The following CASK variants were observed in gnomAD, a reference collection of about 807,000 sequenced individuals.
CASK encodes peripheral plasma membrane protein CASK.
Under a neutral mutation model 82.9 loss-of-function variants are expected in CASK, and 4 were observed. That is an observed-to-expected ratio of 0.05 (90% CI 0.02 to 0.11). The LOEUF (loss-of-function observed/expected upper bound fraction) is 0.11, where lower values mean the gene tolerates loss of function less well. CASK is among the 10% of genes least tolerant of loss of function. The pLI is 1.00. For synonymous variants in CASK, 259 were observed against 253.5 expected (o/e 1.02, Z -0.20); for missense variants, 358 against 720.9 (o/e 0.50, Z 5.76).
chrX:41,871,090 T>C (rs2071699881), intron 1 of CASK, among the ~76,000 whole-genome samples: 1 of 111,609 alleles, frequency 9.0e-6, no homozygotes, highest in Admixed American at 9.5e-5. Flanking sequence ...TTGGCAGCTG[T>C]AGGACTGAAG....
chrX:41,741,999 G>A (rs752642802), intron 4 of CASK, among the ~76,000 whole-genome samples: 1 of 111,878 alleles, frequency 8.9e-6, no homozygotes, highest in South Asian at 3.7e-4. Flanking sequence ...GCATTTCAGG[G>A]GTGCAGCATG....
intron 4 of CASK, 174 bp downstream of exon 4, chrX:41,745,350 T>A (rs2068669799): frequency 6.2e-6 from 3 of 480,716 alleles, no homozygotes; most frequent in Non-Finnish European, 1.1e-5. Context: ...AACTCATTGT[T>A]CGGTATTTTG....
intron 1 of CASK, among the ~76,000 whole-genome samples, chrX:41,912,891 T>C (rs1324596541): frequency 1.9e-5 from 2 of 107,803 alleles, no homozygotes; most frequent in Admixed American, 1.0e-4. Flanking sequence ...TATGTGACTT[T>C]ATTAAAATTT....
At chrX:41,742,152 C>T (rs865887126) in intron 4 of CASK, among the ~76,000 whole-genome samples, 2 of 111,786 alleles carry the variant, frequency 1.8e-5, no homozygotes, top group African/African-American at 3.3e-5. Context: ...AAGTAGAACA[C>T]GGGATCTCTG....
intron 25 of CASK, among the ~76,000 whole-genome samples, chrX:41,525,471 T>C (rs985597558): frequency 9.1e-6 from 1 of 110,122 alleles, no homozygotes; most frequent in East Asian, 2.9e-4. Flanking sequence ...GTACTGATGC[T>C]CTTTTCTTTG....
intron 9 of CASK, among the ~76,000 whole-genome samples, chrX:41,630,119 C>T (rs2066441327): frequency 8.9e-6 from 1 of 112,042 alleles, no homozygotes; most frequent in African/African-American, 3.2e-5. Context: ...AGAAAAAGAG[C>T]ACCACAAGTT....
At chrX:41,604,322 G>A (rs1234614883) in intron 12 of CASK, among the ~76,000 whole-genome samples, 1 of 99,543 alleles carries the variant, frequency 1.0e-5, no homozygotes, top group Non-Finnish European at 2.0e-5. Context: ...TAATTAAGAT[G>A]ATGTCATACT....
intron 5 of CASK, among the ~76,000 whole-genome samples, chrX:41,710,555 T>G (rs1306654210): frequency 1.8e-5 from 2 of 112,229 alleles, no homozygotes; most frequent in Non-Finnish European, 3.8e-5. Flanking sequence ...GAAACTTTGA[T>G]GATCAGGTCT....
chrX:41,830,616 C>T (rs187171202), intron 2 of CASK, among the ~76,000 whole-genome samples: 45 of 107,412 alleles, frequency 4.2e-4, no homozygotes, highest in East Asian at 3.8e-3. Context: ...GTCAGTAGAT[C>T]GAGACCATCC....
At chrX:41,912,036 C>G (rs1011727951) in intron 1 of CASK, among the ~76,000 whole-genome samples, 29 of 107,810 alleles carry the variant, frequency 2.7e-4, no homozygotes, top group Non-Finnish European at 5.0e-4. Context: ...CCCCTTGCCC[C>G]CCAACCCCCA....
At chrX:41,920,328 T>G (rs777352974) in intron 1 of CASK, among the ~76,000 whole-genome samples, 2 of 112,162 alleles carry the variant, frequency 1.8e-5, no homozygotes, top group South Asian at 7.4e-4. Flanking sequence ...ATGTATGCTG[T>G]CAAGGTCCCT....
intron 3 of CASK, among the ~76,000 whole-genome samples, chrX:41,777,352 C>T (rs752559112): frequency 9.1e-6 from 1 of 109,963 alleles, no homozygotes; most frequent in African/African-American, 3.3e-5. Flanking sequence ...ATCAGCCGGG[C>T]GTGGTGGTGC....
chrX:41,612,167 G>C (rs1416714537), intron 11 of CASK, among the ~76,000 whole-genome samples: 1 of 109,321 alleles, frequency 9.1e-6, no homozygotes, highest in African/African-American at 3.3e-5. Flanking sequence ...CCCATCGTCT[G>C]GGACGTGAGG....
intron 2 of CASK, among the ~76,000 whole-genome samples, chrX:41,787,877 C>T (rs897180197): frequency 4.5e-5 from 5 of 110,835 alleles, no homozygotes; most frequent in African/African-American, 1.6e-4. Context: ...GTGCTGGGGC[C>T]AGGCGTGGTG....
At position 41,804,221 on chromosome X, in the gene CASK, G is replaced by A. The variant is rs532286348; in HGVS notation, c.173-16938C>T. Among the ~76,000 whole-genome samples, 23 of 110,671 alleles carry A rather than the reference G, an allele frequency of 2.1e-4. No homozygotes were observed. In the South Asian group the frequency reaches 4.3e-3, roughly 21 times the overall value. On this transcript the variant is annotated intron_variant, in intron 2 of 26. Coordinates refer to ENST00000378163, the MANE Select transcript of CASK (RefSeq NM_001367721.1). ...AAATTAGCCAGGTGTGGTGGCGGGCGCCTGTGGTCCCAGCTGCTCGGGAAG... is the reference window on the plus strand; with the variant it reads ...AAATTAGCCAGGTGTGGTGGCGGGCACCTGTGGTCCCAGCTGCTCGGGAAG...
chrX:41,737,106 G>A (rs2068511697), intron 5 of CASK, among the ~76,000 whole-genome samples: 1 of 111,942 alleles, frequency 8.9e-6, no homozygotes, highest in Admixed American at 9.5e-5. Context: ...TTTGCTTCAG[G>A]AGGCCTAGCA....
chrX:41,839,875 A>G (rs1282609215), intron 2 of CASK, among the ~76,000 whole-genome samples: 1 of 111,878 alleles, frequency 8.9e-6, no homozygotes, highest in Non-Finnish European at 1.9e-5. Flanking sequence ...TCAAAGATCT[A>G]TTGACAATAT....
In CASK at chrX:41,885,071, A is replaced by G. The variant is rs751613862; in HGVS notation, c.60-31844T>C. 7.1e-5 allele frequency among the ~76,000 whole-genome samples: 8 copies of G among 112,118 alleles called. No individual in the cohort carries two copies. The South Asian group carries it at 2.2e-3, about 31-fold the overall frequency. ...CGTTAGACAGAATCTGTAAAAAGCT[A>G]TATTAGGTACTTTCAAAATGCTATA... On this transcript the variant is annotated intron_variant, in intron 1 of 26. Transcript: ENST00000378163.
At chrX:41,794,354 T>C (rs1035434776) in intron 2 of CASK, among the ~76,000 whole-genome samples, 1 of 112,383 alleles carries the variant, frequency 8.9e-6, no homozygotes, top group African/African-American at 3.2e-5. Flanking sequence ...GTTAATATAT[T>C]TCCCAAAGAG....
Sources: allele counts gnomAD v4.1 joint callset (sites outside exome capture counted in the v4.1 genomes callset), GRCh38; gene constraint gnomAD v4.1.1; transcripts MANE v1.5; gene names NCBI Gene and HGNC (gene_info 2026-07-23, HGNC 2026-07-21).